Variants in P2RX5 observed in about 807,000 individuals in gnomAD.
P2RX5 encodes P2X purinoceptor 5.
P2RX5 carries 46 observed loss-of-function variants against 54.1 expected under a neutral mutation model. That is an observed-to-expected ratio of 0.85 (90% CI 0.67 to 1.09). The LOEUF is 1.09. Ranked by LOEUF, P2RX5 falls within the 50% of genes least tolerant of loss-of-function variation. P2RX5 has a pLI of 0.00. For synonymous variants in P2RX5, 226 were observed against 226.4 expected (o/e 1.00, Z 0.02); for missense variants, 566 against 549.8 (o/e 1.03, Z -0.29).
intron 1 of P2RX5, among the ~76,000 whole-genome samples, chr17:3,694,968 C>G (rs753175538): frequency 4.6e-5 from 7 of 152,150 alleles, no homozygotes; most frequent in Non-Finnish European, 8.8e-5. Context: ...ACAGCGCCTA[C>G]GAGGCCGCTC....
rs892518771 is a variant in P2RX5 at position 3,696,132 on chromosome 17, G to T, written c.-127C>A. Reference sequence around the variant, plus strand: ...TCTGCGCCCGCTCAGCTGCAGCCCGGGGTGTCCGGCAGGGCTGCGGGGCGC... The same window carrying T: ...TCTGCGCCCGCTCAGCTGCAGCCCGTGGTGTCCGGCAGGGCTGCGGGGCGC... On this transcript the variant is annotated 5_prime_UTR_variant, in exon 1 of 12. Transcript: ENST00000225328. The T allele has an allele frequency of 1.9e-6, 2 of 1,041,684 alleles. No homozygotes were observed. The highest frequency in any genetic ancestry group is 1.7e-5 in the African/African-American group (1 of 58,682). 64.5% of individuals were successfully genotyped at this position (1,041,684 alleles called of 1,614,324 possible).
Position 3,688,718 on chromosome 17 carries a change from A to G in P2RX5, c.795T>C (p.Leu265=). The part of the protein sequence containing the change: ...IGINIEWNCD[L]DKAASECHPH... ...GGTGGCACTCAGAGGCAGCTTTATC[A>G]AGATCACAGTTCCATTCAATATTAA... Residue 265 remains leucine, a synonymous_variant, in exon 8 of 12, where the codon CTT becomes CTC. Coordinates refer to ENST00000225328, the MANE Select transcript of P2RX5 (RefSeq NM_002561.4). 1.2e-6 allele frequency: 2 copies of G among 1,613,904 alleles called. No individual in the cohort carries two copies. The highest frequency in any genetic ancestry group is 1.7e-6 in the Non-Finnish European group (2 of 1,179,814).
chr17:3,690,095 G>A lies in P2RX5; in HGVS notation c.589C>T (p.Arg197Cys), dbSNP rs143709684. 205 of 1,614,156 alleles carry A rather than the reference G, an allele frequency of 1.3e-4. 1 individual carries two copies. The highest frequency in any genetic ancestry group is 1.6e-4 in the Non-Finnish European group (186 of 1,180,004). The change falls in exon 6 of 12, where the codon CGT becomes TGT. Residue 197 changes from arginine to cysteine, a missense_variant. Coordinates refer to ENST00000225328, the MANE Select transcript of P2RX5 (RefSeq NM_002561.4). ...TTGGAGAAGTTGAATTTGGGGAAACGGATGTGGTTCTTTATGAAAATGGTG... is the reference window on the plus strand; with the variant it reads ...TTGGAGAAGTTGAATTTGGGGAAACAGATGTGGTTCTTTATGAAAATGGTG... ...DFTIFIKNHIRFPKFNFSKSN... is the reference protein window; with the variant it reads ...DFTIFIKNHICFPKFNFSKSN...
chr17:3,691,609 C>T, intron 2 of P2RX5, 35 bp downstream of exon 2: 1 of 1,613,512 alleles, frequency 6.2e-7, no homozygotes, highest in South Asian at 1.1e-5. Context: ...GCAGTCCCTG[C>T]CAGCCTTGGC....
At chr17:3,716,093 G>C in the P2RX5 span, among the ~76,000 whole-genome samples, 905 of 151,678 alleles carry the variant, frequency 6.0e-3, 21 homozygotes, top group Admixed American at 0.039. Flanking sequence ...GGGTCAGGGT[G>C]GGGGGAAGGG....
the P2RX5 span, among the ~76,000 whole-genome samples, chr17:3,713,274 G>A: frequency 1.3e-5 from 2 of 151,380 alleles, no homozygotes; most frequent in South Asian, 2.1e-4. Flanking sequence ...GGCAGAGGAC[G>A]GCTTGAACCC....
At chr17:3,682,442 A>T (rs1298635359) in intron 9 of P2RX5, 1 of 239,866 alleles carries the variant, frequency 4.2e-6, no homozygotes, top group Admixed American at 5.1e-5. Context: ...AGAGGAGTTT[A>T]TACAAGACAA....
intron 11 of P2RX5, 54 bp downstream of exon 11, chr17:3,679,536 G>A: frequency 1.3e-6 from 2 of 1,549,768 alleles, no homozygotes; most frequent in South Asian, 2.2e-5. Flanking sequence ...CCCAACTGGG[G>A]ACCCCTCTCT....
chr17:3,702,489 C>T, the P2RX5 span, among the ~76,000 whole-genome samples: 2 of 152,038 alleles, frequency 1.3e-5, no homozygotes, highest in Admixed American at 1.3e-4. Flanking sequence ...TCCTCTTCCA[C>T]GTTGTGGAAG....
chr17:3,676,166 C>T (rs1351547068), intron 11 of P2RX5: 1 of 985,356 alleles, frequency 1.0e-6, no homozygotes, highest in Non-Finnish European at 1.2e-6. Context: ...GGGCTGAGCT[C>T]CAGGTTTCTC....
Position 3,679,567 on chromosome 17 carries a change from T to G in P2RX5, c.1259+23A>C, listed in dbSNP as rs768023618. On this transcript the variant is annotated intron_variant, in intron 11 of 11. Transcript: ENST00000225328. The stretch of plus-strand genomic sequence containing the variant: ...TCTCTGCAGGACCCAGCTGTCGGGC[T>G]CTCTGCCTAGCAGTGGCCTCACCTG... 12 of 1,602,558 alleles carry G rather than the reference T, an allele frequency of 7.5e-6. No individual in the cohort carries two copies. In the Admixed American group the frequency reaches 2.0e-4, roughly 27 times the overall value.
At chr17:3,695,824 G>A in intron 1 of P2RX5, 45 bp downstream of exon 1, 1 of 820,486 alleles carries the variant, frequency 1.2e-6, no homozygotes, top group Non-Finnish European at 2.0e-6. Context: ...GCTGGCACCC[G>A]CCCTGCCCCT....
At chr17:3,690,923 A>C (rs1567738353) in intron 3 of P2RX5, 33 bp downstream of exon 3, 1 of 1,588,084 alleles carries the variant, frequency 6.3e-7, no homozygotes, top group South Asian at 1.1e-5. Flanking sequence ...TGGCTCTCCC[A>C]CCCCCACGCC....
Position 3,688,664 on chromosome 17 carries a change from A to T in P2RX5, c.849T>A (p.Asn283Lys), listed in dbSNP as rs375327531. The change falls in exon 8 of 12, where the codon AAT becomes AAA. Residue 283 changes from asparagine to lysine, a missense_variant. Coordinates refer to ENST00000225328, the MANE Select transcript of P2RX5 (RefSeq NM_002561.4). ...HPHYSFSRLD[N>K]KLSKSVSSGY... ...CGGAGGAGACAGACTTTGAAAGTTT[A>T]TTGTCCAGACGGCTAAAAGAATAGT... 1 of 1,613,954 alleles carries T rather than the reference A, an allele frequency of 6.2e-7. No individual in the cohort carries two copies. Among genetic ancestry groups the T allele is most frequent in the African/African-American group, 1.3e-5 (1 of 74,924 alleles).
intron 11 of P2RX5, among the ~76,000 whole-genome samples, chr17:3,678,466 C>T (rs2050153640): frequency 6.6e-6 from 1 of 152,250 alleles, no homozygotes; most frequent in African/African-American, 2.4e-5. Flanking sequence ...AGAATGGGAG[C>T]TCAAGTGAGC....
At chr17:3,712,502 A>G in the P2RX5 span, among the ~76,000 whole-genome samples, 2 of 152,184 alleles carry the variant, frequency 1.3e-5, no homozygotes, top group African/African-American at 4.8e-5. Context: ...AACCAGGTAC[A>G]CGGTTTACTT....
chr17:3,694,572 C>A (rs1392750411), intron 1 of P2RX5, among the ~76,000 whole-genome samples: 3 of 152,182 alleles, frequency 2.0e-5, no homozygotes, highest in Non-Finnish European at 4.4e-5. Flanking sequence ...CATGTGAGGA[C>A]ACAGCGAGAG....
intron 1 of P2RX5, chr17:3,692,045 G>A: frequency 5.6e-6 from 3 of 536,582 alleles, no homozygotes; most frequent in Non-Finnish European, 1.0e-5. Flanking sequence ...AGACCAGCCG[G>A]GCGCAGTGGC....
intron 11 of P2RX5, chr17:3,677,429 A>C (rs1208923483): frequency 3.0e-6 from 3 of 985,190 alleles, no homozygotes; most frequent in Non-Finnish European, 3.6e-6. Flanking sequence ...TGGCTTCCCC[A>C]CTAAGAGCCA....
Sources: gnomAD v4.1 joint callset for allele counts (sites outside exome capture counted in the v4.1 genomes callset) on GRCh38, gnomAD v4.1.1 for gene constraint, MANE v1.5 for transcripts, NCBI Gene and HGNC (gene_info 2026-07-23, HGNC 2026-07-21) for gene names.